Variants in SCUBE3 observed in about 807,000 individuals in gnomAD.
The protein encoded by SCUBE3 is signal peptide, CUB domain and EGF like domain containing 3.
Under a neutral mutation model 116.8 loss-of-function variants are expected in SCUBE3, and 33 were observed. That is an observed-to-expected ratio of 0.28 (90% CI 0.21 to 0.38). SCUBE3 has a LOEUF of 0.38. Ranked by LOEUF, SCUBE3 falls within the 10% of genes least tolerant of loss-of-function variation. The pLI is 1.00. For missense variants in SCUBE3, 1,007 were observed against 1,324.8 expected, an observed-to-expected ratio of 0.76 and a Z score of 3.72; for synonymous variants, 418 against 496.9, an observed-to-expected ratio of 0.84 and a Z score of 2.11.
At position 35,235,056 on chromosome 6, in the gene SCUBE3, T is replaced by C. The variant is rs778437132; in HGVS notation, c.712+1755T>C. ...ATCATTGCCTGGGGCCGTCAGGACA[T>C]TCAGATTCGGTGGGAAGACTGAGAA... On this transcript the variant is annotated intron_variant, in intron 6 of 21. Coordinates refer to ENST00000274938, the MANE Select transcript of SCUBE3 (RefSeq NM_152753.4). The surrounding 1 kb of genome is among the most constrained non-coding windows in gnomAD (Gnocchi z 4.5). Among the ~76,000 whole-genome samples, 20 of 152,326 alleles carry C rather than the reference T, an allele frequency of 1.3e-4. No individual in the cohort carries two copies. The highest frequency in any genetic ancestry group is 3.4e-3 in the Middle Eastern group (1 of 294).
chr6:35,242,789 G>C lies in SCUBE3; in HGVS notation c.1693+9G>C, dbSNP rs777911198. The C allele has an allele frequency of 8.7e-6, 14 of 1,611,926 alleles. No homozygotes were observed. Among genetic ancestry groups the C allele is most frequent in the Non-Finnish European group, 9.3e-6 (11 of 1,178,356 alleles). The stretch of plus-strand genomic sequence containing the variant: ...AGCCGAAGAAACCACAGGTGGGACT[G>C]GGGGCACTGTTGGGAAGAGGACTGG... On this transcript the variant is annotated intron_variant, in intron 14 of 21. Transcript: ENST00000274938.
chr6:35,246,046 G>A lies in SCUBE3; in HGVS notation c.2702G>A (p.Ser901Asn). 3 of 1,614,168 alleles carry A rather than the reference G, an allele frequency of 1.9e-6. No individual in the cohort carries two copies. The highest frequency in any genetic ancestry group is 2.5e-6 in the Non-Finnish European group (3 of 1,180,026). ...AAGCTCTGGATCAACTTCAAGACAA[G>A]CGAGGCCAACAGCGCCCGTGGCTTC... is the stretch of plus-strand genomic sequence containing the variant. ...SRKLWINFKTSEANSARGFQI... is the reference protein window; with the variant it reads ...SRKLWINFKTNEANSARGFQI... The change falls in exon 20 of 22, where the codon AGC becomes AAC. Residue 901 changes from serine to asparagine, a missense_variant. Around this residue, in one of 5 missense-constraint regions of SCUBE3, gnomAD observed 118 missense variants for 196.6 expected, o/e 0.60. Transcript: ENST00000274938.
At chr6:35,218,233 C>T (rs937201497) in intron 1 of SCUBE3, 30 of 679,424 alleles carry the variant, frequency 4.4e-5, no homozygotes, top group Admixed American at 6.3e-5. Context: ...CATTCACACA[C>T]GTGTGAATGT....
In SCUBE3 at chr6:35,239,521, G is replaced by A. The variant is rs1223289543; in HGVS notation, c.830-231G>A. Among the ~76,000 whole-genome samples, 1 of 152,148 alleles carries A rather than the reference G, an allele frequency of 6.6e-6. No individual in the cohort carries two copies. Among genetic ancestry groups the A allele is most frequent in the Non-Finnish European group, 1.5e-5 (1 of 68,032 alleles). The stretch of plus-strand genomic sequence containing the variant: ...CTTATAAGAACACTCAATCCCAGAA[G>A]AGAGGGTGTTACTAATGGCCACAGA... On this transcript the variant is annotated intron_variant, in intron 7 of 21. Coordinates refer to ENST00000274938, the MANE Select transcript of SCUBE3 (RefSeq NM_152753.4). The surrounding 1 kb of genome is among the most constrained non-coding windows in gnomAD (Gnocchi z 4.1).
intron 1 of SCUBE3, among the ~76,000 whole-genome samples, chr6:35,218,944 TATC>T (rs1345864283): frequency 6.6e-6 from 1 of 152,104 alleles, no homozygotes; most frequent in Non-Finnish European, 1.5e-5. Flanking sequence ...ACTTGTAAAA[TATC>T]AGTAGGGTTC....
intron 2 of SCUBE3, 32 bp downstream of exon 2, chr6:35,227,734 A>G: frequency 6.2e-7 from 1 of 1,613,034 alleles, no homozygotes; most frequent in Non-Finnish European, 8.5e-7. Context: ...GAGGAGAGGG[A>G]CCTGTGGAAG....
In SCUBE3 at chr6:35,228,340, C is replaced by A. The variant is rs1783407886; in HGVS notation, c.209-274C>A. Reference sequence around the variant, plus strand: ...GAGAAGATGTTCTTTGATGCATTATCTATGATGGTAAAATAAATTAAAGAA... The same window carrying A: ...GAGAAGATGTTCTTTGATGCATTATATATGATGGTAAAATAAATTAAAGAA... On this transcript the variant is annotated intron_variant, in intron 2 of 21. Transcript: ENST00000274938. The surrounding 1 kb of genome is among the most constrained non-coding windows in gnomAD (Gnocchi z 4.9). 6.6e-6 allele frequency among the ~76,000 whole-genome samples: 1 copy of A among 151,982 alleles called. No individual in the cohort carries two copies. The highest frequency in any genetic ancestry group is 6.5e-5 in the Admixed American group (1 of 15,274).
In SCUBE3 at chr6:35,232,355, G is replaced by A. The variant is rs531148566; in HGVS notation, c.470-495G>A. ...CCCAGCACCTAACATACTGCCCTGC[G>A]TGTAGTGAGAGTTTAATAAATGTTT... On this transcript the variant is annotated intron_variant, in intron 4 of 21. Transcript: ENST00000274938. The surrounding 1 kb of genome is among the most constrained non-coding windows in gnomAD (Gnocchi z 4.2). Among the ~76,000 whole-genome samples the A allele has an allele frequency of 1.5e-4, 23 of 152,280 alleles. No homozygotes were observed. Among genetic ancestry groups the A allele is most frequent in the African/African-American group, 2.2e-4 (9 of 41,570 alleles).
At position 35,248,884 on chromosome 6, in the gene SCUBE3, C is replaced by G; in HGVS notation, c.*179C>G. On this transcript the variant is annotated 3_prime_UTR_variant, in exon 22 of 22. Transcript: ENST00000274938. ...TCTTTCTAGTTTCCTTTCCTTGTCT[C>G]TCTCTGCCTGCCTCTCTACTGTTCC... 1.7e-6 allele frequency: 1 copy of G among 605,014 alleles called. No homozygotes were observed. Among genetic ancestry groups the G allele is most frequent in the East Asian group, 2.8e-5 (1 of 36,224 alleles). 37.5% of individuals were successfully genotyped at this position (605,014 alleles called of 1,614,324 possible).
chr6:35,244,876 G>T lies in SCUBE3; in HGVS notation c.2401+65G>T. 6.5e-7 allele frequency: 1 copy of T among 1,534,110 alleles called. No homozygotes were observed. Among genetic ancestry groups the T allele is most frequent in the Admixed American group, 1.7e-5 (1 of 58,912 alleles). ...GCCTGGGAGCAGTGGACATCTAAAGGAGGGGTGTGAAACCAACAGGGAGCA... is the reference window on the plus strand; with the variant it reads ...GCCTGGGAGCAGTGGACATCTAAAGTAGGGGTGTGAAACCAACAGGGAGCA... On this transcript the variant is annotated intron_variant, in intron 18 of 21. Coordinates refer to ENST00000274938, the MANE Select transcript of SCUBE3 (RefSeq NM_152753.4). This position sits in a 1 kb window ranked among gnomAD's most constrained non-coding sequence, Gnocchi z 4.3.
In SCUBE3 at chr6:35,213,989, T is replaced by A. The variant is rs955979310; in HGVS notation, c.-430T>A. On this transcript the variant is annotated 5_prime_UTR_variant, in exon 1 of 22. Transcript: ENST00000274938. The surrounding 1 kb of genome is among the most constrained non-coding windows in gnomAD (Gnocchi z 4.5). ...GGAAGAAAGAGAGGCAGAAAGGGCG[T>A]GTTTCTGGCGCTGCGTTTCCCCTCC... 1.6e-4 allele frequency among the ~76,000 whole-genome samples: 24 copies of A among 152,032 alleles called. No homozygotes were observed. The highest frequency in any genetic ancestry group is 8.8e-5 in the Non-Finnish European group (6 of 67,982).
Position 35,228,848 on chromosome 6 carries a change from C to CAAGAGA in SCUBE3, c.334+110_334+111insAGAGAA. 3.4e-6 allele frequency: 4 copies of CAAGAGA among 1,168,336 alleles called. No individual in the cohort carries two copies. The South Asian group carries it at 4.0e-5, about 12-fold the overall frequency. The allele number at this position is 1,168,336 out of a possible 1,614,324, so 72.4% of individuals were successfully genotyped here. A position where few individuals can be genotyped will look rare whatever the true frequency, so the allele number is the denominator to read the frequency against. Reference sequence around the variant, plus strand: ...AGGAGAGAGTGATCAAGAAGAGCTACATTCACAAGAGAATAAGGTCAGCCT... The same window carrying CAAGAGA: ...AGGAGAGAGTGATCAAGAAGAGCTACAAGAGAATTCACAAGAGAATAAGGTCAGCCT... On this transcript the variant is annotated intron_variant, in intron 3 of 21. Transcript: ENST00000274938. This position sits in a 1 kb window ranked among gnomAD's most constrained non-coding sequence, Gnocchi z 4.9.
intron 12 of SCUBE3, 46 bp from the exon 13 acceptor site, chr6:35,242,158 C>A: frequency 7.1e-7 from 1 of 1,412,276 alleles, no homozygotes; most frequent in Non-Finnish European, 1.0e-6. Flanking sequence ...CACCCCCGAC[C>A]TCCATGGGCA....
chr6:35,251,205 G>C lies in SCUBE3; in HGVS notation c.*2500G>C, dbSNP rs1006455473. On this transcript the variant is annotated 3_prime_UTR_variant, in exon 22 of 22. Coordinates refer to ENST00000274938, the MANE Select transcript of SCUBE3 (RefSeq NM_152753.4). Reference sequence around the variant, plus strand: ...GTCTCGCTCTGTCACCCAGGCTGGAGTGTAATGGTGCTATCTCGGCCTACT... The same window carrying C: ...GTCTCGCTCTGTCACCCAGGCTGGACTGTAATGGTGCTATCTCGGCCTACT... 5 of 141,958 alleles carry C rather than the reference G, an allele frequency of 3.5e-5. No individual in the cohort carries two copies. In the Admixed American group the frequency reaches 3.7e-4, roughly 11 times the overall value. 8.8% of individuals were successfully genotyped at this position (141,958 alleles called of 1,614,324 possible). A position where few individuals can be genotyped will look rare whatever the true frequency, so the allele number is the denominator to read the frequency against.
rs374523750 is a variant in SCUBE3 at position 35,231,692 on chromosome 6, C to A, written c.335-33C>A. 3.8e-5 allele frequency: 60 copies of A among 1,581,574 alleles called. No individual in the cohort carries two copies. The African/African-American group carries it at 7.4e-4, about 19-fold the overall frequency. On this transcript the variant is annotated intron_variant, in intron 3 of 21. Transcript: ENST00000274938. The surrounding 1 kb of genome is among the most constrained non-coding windows in gnomAD (Gnocchi z 4.2). The stretch of plus-strand genomic sequence containing the variant: ...GATATACCCTGGACCCTGCCTGTAC[C>A]CCATGACCCCACTGACTACCTATCC...
chr6:35,216,687 C>A (rs768718793), intron 1 of SCUBE3, among the ~76,000 whole-genome samples: 1 of 152,208 alleles, frequency 6.6e-6, no homozygotes, highest in Non-Finnish European at 1.5e-5. Flanking sequence ...TCCTGGTTAT[C>A]AGCAGTGCCA....
In SCUBE3 at chr6:35,243,386, G is replaced by A; in HGVS notation, c.1909+150G>A. The A allele has an allele frequency of 1.1e-6, 1 of 887,064 alleles. No individual in the cohort carries two copies. Among genetic ancestry groups the A allele is most frequent in the Non-Finnish European group, 1.7e-6 (1 of 578,846 alleles). 54.9% of individuals were successfully genotyped at this position (887,064 alleles called of 1,614,324 possible). On this transcript the variant is annotated intron_variant, in intron 15 of 21. Coordinates refer to ENST00000274938, the MANE Select transcript of SCUBE3 (RefSeq NM_152753.4). The surrounding 1 kb of genome is among the most constrained non-coding windows in gnomAD (Gnocchi z 6.6). ...GCTGTCCTCCCTTCCTTGGTTCCAG[G>A]CTGAAATCTAGAAGGATGCCAGGTG...
rs918478294 is a variant in SCUBE3 at position 35,248,825 on chromosome 6, T to A, written c.*120T>A. On this transcript the variant is annotated 3_prime_UTR_variant, in exon 22 of 22. Transcript: ENST00000274938. ...TCTCTTTTTGGAGGGAAAAAAAAAA[T>A]ATCACTACACAAACCAGGCACTCTC... 6 of 754,576 alleles carry A rather than the reference T, an allele frequency of 8.0e-6. No homozygotes were observed. Among genetic ancestry groups the A allele is most frequent in the African/African-American group, 7.0e-5 (4 of 57,072 alleles). 46.7% of individuals were successfully genotyped at this position (754,576 alleles called of 1,614,324 possible).
rs1379859058 is a variant in SCUBE3 at position 35,241,925 on chromosome 6, A to G, written c.1417+15A>G. The G allele has an allele frequency of 6.4e-7, 1 of 1,551,916 alleles. No homozygotes were observed. Among genetic ancestry groups the G allele is most frequent in the Admixed American group, 1.7e-5 (1 of 59,964 alleles). On this transcript the variant is annotated intron_variant, in intron 12 of 21. Transcript: ENST00000274938. The surrounding 1 kb of genome is among the most constrained non-coding windows in gnomAD (Gnocchi z 4.1). ...CCACTGCCATGGTAAGCACCAGCCC[A>G]GAAGCCCTGTTCCCACCCTACTCTC...
Sources: gnomAD v4.1 joint callset for allele counts (sites outside exome capture counted in the v4.1 genomes callset) on GRCh38, gnomAD v4.1.1 for gene constraint, gnomAD v4.1.1 regional missense constraint, Gnocchi (gnomAD v3.1) non-coding constraint, MANE v1.5 for transcripts, NCBI Gene and HGNC (gene_info 2026-07-23, HGNC 2026-07-21) for gene names.